Variants in TRIM24 observed in about 807,000 individuals in gnomAD.
TRIM24 encodes the protein tripartite motif containing 24, also known as transcription intermediary factor 1-alpha.
TRIM24 carries 29 observed loss-of-function variants against 123.9 expected under a neutral mutation model. The ratio of observed to expected loss-of-function variants is 0.23; its 90% CI spans 0.17 to 0.32. TRIM24 has a LOEUF of 0.32. TRIM24 is among the 10% of genes least tolerant of loss of function. The probability of loss-of-function intolerance (pLI) is 1.00; values close to 1 mark genes in which losing one functional copy is unlikely to be tolerated. For missense variants in TRIM24, 932 were observed against 1,295.3 expected, an observed-to-expected ratio of 0.72 and a Z score of 4.31; for synonymous variants, 456 against 461.1, an observed-to-expected ratio of 0.99 and a Z score of 0.14.
intron 2 of TRIM24, among the ~76,000 whole-genome samples, chr7:138,504,865 CT>C (rs1013758844): frequency 4.6e-5 from 7 of 150,672 alleles, no homozygotes; most frequent in Admixed American, 4.0e-4. Flanking sequence ...GGTTTGAGTG[CT>C]TCTCTCATCT....
intron 2 of TRIM24, among the ~76,000 whole-genome samples, chr7:138,511,593 C>T: frequency 6.6e-6 from 1 of 152,050 alleles, no homozygotes; most frequent in Admixed American, 6.6e-5. Flanking sequence ...CCTGGCCATG[C>T]CACACACTTT....
At chr7:138,461,790 T>C (rs186866503) in intron 1 of TRIM24, among the ~76,000 whole-genome samples, 83 of 152,342 alleles carry the variant, frequency 5.4e-4, no homozygotes, top group Non-Finnish European at 7.9e-4. Context: ...GCACCTCCTT[T>C]TTAAAAATAC....
intron 1 of TRIM24, among the ~76,000 whole-genome samples, chr7:138,462,422 GC>G (rs1365727134): frequency 6.8e-6 from 1 of 146,996 alleles, no homozygotes; most frequent in Non-Finnish European, 1.5e-5. Context: ...CTCACTGCAA[GC>G]TCCGCCTCCC....
At chr7:138,525,410 A>T (rs970712423) in intron 5 of TRIM24, 53 bp downstream of exon 5, 2 of 1,031,542 alleles carry the variant, frequency 1.9e-6, no homozygotes, top group Non-Finnish European at 2.7e-6. Context: ...AAGTATATTC[A>T]CTTTTAGAAC....
At chr7:138,490,664 A>C (rs868293043) in intron 1 of TRIM24, 3 of 377,298 alleles carry the variant, frequency 8.0e-6, no homozygotes, top group African/African-American at 2.2e-5. Flanking sequence ...CAGCACTGCT[A>C]CCTTCACTGT....
intron 1 of TRIM24, among the ~76,000 whole-genome samples, chr7:138,496,029 G>A (rs538646942): frequency 6.6e-6 from 1 of 152,270 alleles, no homozygotes; most frequent in South Asian, 2.1e-4. Context: ...AAATCAAGTA[G>A]CATAAGTCCT....
intron 1 of TRIM24, among the ~76,000 whole-genome samples, chr7:138,501,571 G>A (rs988978339): frequency 3.9e-5 from 6 of 151,972 alleles, no homozygotes; most frequent in African/African-American, 1.4e-4. Context: ...TGACATATAT[G>A]CGATCCATTG....
intron 4 of TRIM24, 113 bp downstream of exon 4, chr7:138,519,434 AC>A (rs1796462807): frequency 1.3e-5 from 16 of 1,241,670 alleles, no homozygotes; most frequent in Non-Finnish European, 1.8e-5. Context: ...TTTGGCCAGC[AC>A]TATGCTGGCC....
chr7:138,462,570 G>C (rs1795023198), intron 1 of TRIM24, among the ~76,000 whole-genome samples: 1 of 151,838 alleles, frequency 6.6e-6, no homozygotes, highest in Non-Finnish European at 1.5e-5. Context: ...TCGATCTCCT[G>C]ACCTCGTGAT....
intron 4 of TRIM24, among the ~76,000 whole-genome samples, chr7:138,523,050 A>G (rs1044897978): frequency 6.6e-5 from 10 of 152,226 alleles, no homozygotes; most frequent in Non-Finnish European, 1.3e-4. Flanking sequence ...TAGGGAAAGT[A>G]GGTAATTAAA....
At chr7:138,499,974 G>C (rs1228638341) in intron 1 of TRIM24, among the ~76,000 whole-genome samples, 3 of 152,092 alleles carry the variant, frequency 2.0e-5, no homozygotes, top group African/African-American at 7.2e-5. Context: ...TCCCTTGTCT[G>C]TCATGGATGT....
At chr7:138,518,342 G>A (rs1796441239) in intron 3 of TRIM24, among the ~76,000 whole-genome samples, 1 of 152,076 alleles carries the variant, frequency 6.6e-6, no homozygotes, top group East Asian at 1.9e-4. Context: ...TGCACACCAG[G>A]TTATTAATAG....
At position 138,460,749 on chromosome 7, in the gene TRIM24, G is replaced by C. The variant is rs760835241; in HGVS notation, c.201G>C (p.Ala67=). ...GCCACCAGAACATCCAGAGCCGGGC[G>C]CCCAAGCTGCTGCCCTGCCTGCACT... The part of the protein sequence containing the change: ...AVCHQNIQSR[A]PKLLPCLHSF... The change falls in exon 1 of 19, where the codon GCG becomes GCC. Residue 67 remains alanine, a synonymous_variant. Coordinates refer to ENST00000343526, the MANE Select transcript of TRIM24 (RefSeq NM_015905.3). 2 of 1,577,084 alleles carry C rather than the reference G, an allele frequency of 1.3e-6. No homozygotes were observed. Among genetic ancestry groups the C allele is most frequent in the African/African-American group, 2.8e-5 (2 of 71,072 alleles).
At chr7:138,517,605 CT>C (rs1796427595) in intron 3 of TRIM24, among the ~76,000 whole-genome samples, 1 of 152,140 alleles carries the variant, frequency 6.6e-6, no homozygotes, top group Non-Finnish European at 1.5e-5. Context: ...AACTCCTGAC[CT>C]CAAGTGATCC....
At chr7:138,477,377 A>T (rs1427799298) in intron 1 of TRIM24, among the ~76,000 whole-genome samples, 1 of 152,170 alleles carries the variant, frequency 6.6e-6, no homozygotes, top group African/African-American at 2.4e-5. Context: ...AGGCAAGAAA[A>T]AGTTGGGAAG....
intron 12 of TRIM24, among the ~76,000 whole-genome samples, chr7:138,575,611 T>G (rs1584747173): frequency 6.6e-6 from 1 of 152,184 alleles, no homozygotes; most frequent in Non-Finnish European, 1.5e-5. Flanking sequence ...TTAGAACTTC[T>G]GTCAATTCGG....
chr7:138,564,058 A>T (rs10254440), intron 9 of TRIM24, among the ~76,000 whole-genome samples: 2,776 of 152,318 alleles, frequency 0.018, 67 homozygotes, highest in African/African-American at 0.061. Context: ...CTGGCCACGT[A>T]GGATTGTGTG....
intron 1 of TRIM24, chr7:138,491,179 C>T: frequency 3.6e-6 from 1 of 281,516 alleles, no homozygotes; most frequent in South Asian, 4.2e-5. Flanking sequence ...ACTGCAAACA[C>T]ATAACCCTTG....
At chr7:138,494,561 C>A (rs1563032366) in intron 1 of TRIM24, among the ~76,000 whole-genome samples, 1 of 151,972 alleles carries the variant, frequency 6.6e-6, no homozygotes, top group Non-Finnish European at 1.5e-5. Context: ...TAGCAAGACC[C>A]CTTCTGTGTT....
Sources: gnomAD v4.1 joint callset for allele counts (sites outside exome capture counted in the v4.1 genomes callset) on GRCh38, gnomAD v4.1.1 for gene constraint, MANE v1.5 for transcripts, NCBI Gene and HGNC (gene_info 2026-07-23, HGNC 2026-07-21) for gene names.